Variants in SHFL observed in about 807,000 individuals in gnomAD.
SHFL encodes the protein shiftless antiviral inhibitor of ribosomal frameshifting protein.
SHFL carries 12 observed loss-of-function variants against 34.7 expected under a neutral mutation model. The ratio of observed to expected loss-of-function variants is 0.35; its 90% CI spans 0.22 to 0.56. The LOEUF (loss-of-function observed/expected upper bound fraction) is 0.56, where lower values mean the gene tolerates loss of function less well. Among genes scored for constraint, SHFL ranks in the 20% least tolerant of loss-of-function variants. SHFL has a pLI of 0.88. For synonymous variants in SHFL, 148 were observed against 156.0 expected, an observed-to-expected ratio of 0.95 and a Z score of 0.38; for missense variants, 278 against 411.1, an observed-to-expected ratio of 0.68 and a Z score of 2.80.
chr19:10,089,359 G>A (rs754853780), intron 3 of SHFL: 1 of 1,598,610 alleles, frequency 6.3e-7, no homozygotes, highest in Admixed American at 1.7e-5. Flanking sequence ...CAACAAGCAT[G>A]TGGCATTTGC....
chr19:10,092,269 G>T lies in SHFL; in HGVS notation c.843G>T (p.Glu281Asp). ...DLKEEEEEEE[E>D]VEDEEGGPRE is the part of the protein sequence containing the mutation. ...AGGAGGAGGAGGAGGAAGAGGAGGA[G>T]GTGGAGGACGAGGAGGGCGGGCCCA... Residue 281 changes from glutamate to aspartate, a missense_variant, in exon 8 of 8, where the codon GAG (glutamate) becomes GAT (aspartate). Glu to Asp is a conservative substitution (Grantham distance 45). This residue lies in a region of SHFL where 35 missense variants were observed against 24.9 expected (regional missense o/e 1.41). Transcript: ENST00000253110. 6.3e-7 allele frequency: 1 copy of T among 1,599,876 alleles called. No homozygotes were observed. The highest frequency in any genetic ancestry group is 2.3e-5 in the East Asian group (1 of 44,020).
Position 10,092,098 on chromosome 19 carries a change from T to C in SHFL, c.672T>C (p.Ala224=). The change falls in exon 8 of 8, where the codon GCT becomes GCC. Residue 224 remains alanine, a synonymous_variant. Coordinates refer to ENST00000253110, the MANE Select transcript of SHFL (RefSeq NM_018381.4). ...CCCACGTGCCTGGGACATCCTGTGC[T>C]CACCCCAAGAGCCGGAAGCAGAACC... ...REPHVPGTSC[A]HPKSRKQNHL... is the part of the protein sequence containing the mutation. 1 of 1,613,792 alleles carries C rather than the reference T, an allele frequency of 6.2e-7. No homozygotes were observed. The highest frequency in any genetic ancestry group is 8.5e-7 in the Non-Finnish European group (1 of 1,179,822).
In SHFL at chr19:10,092,628, G is replaced by A; in HGVS notation, c.*326G>A. 6.2e-7 allele frequency: 1 copy of A among 1,612,748 alleles called. No individual in the cohort carries two copies. Among genetic ancestry groups the A allele is most frequent in the Non-Finnish European group, 8.5e-7 (1 of 1,178,940 alleles). ...GCCGAATGAGCATGGCGGCCTTCCT[G>A]AGAGAATATGCCCCACCACGAAACT... is the stretch of plus-strand genomic sequence containing the variant. On this transcript the variant is annotated 3_prime_UTR_variant, in exon 8 of 8. Coordinates refer to ENST00000253110, the MANE Select transcript of SHFL (RefSeq NM_018381.4).
chr19:10,089,508 A>C, intron 3 of SHFL, 149 bp from the exon 4 acceptor site: 1 of 1,351,360 alleles, frequency 7.4e-7, no homozygotes, highest in Non-Finnish European at 1.0e-6. Context: ...GAGGCCACAC[A>C]CCTGGCTCTC....
rs141080880 is a variant in SHFL at position 10,090,717 on chromosome 19, C to T, written c.385-533C>T. On this transcript the variant is annotated intron_variant, in intron 5 of 7. Coordinates refer to ENST00000253110, the MANE Select transcript of SHFL (RefSeq NM_018381.4). ...TCAGCCTCCCAAAGTGCTGGGATTA[C>T]AGGCATGAGCCACTGTGCCTGGCAA... 4.1e-3 allele frequency among the ~76,000 whole-genome samples: 617 copies of T among 152,044 alleles called. 3 individuals are homozygous for T. Among genetic ancestry groups the T allele is most frequent in the African/African-American group, 0.014 (589 of 41,504 alleles).
In SHFL at chr19:10,092,382, T is replaced by C. The variant is rs1599279165; in HGVS notation, c.*80T>C. ...TATAAGATATGAGCTCAAACCGAGA[T>C]ATGAATGACCTTGGGGAGCCATCTG... On this transcript the variant is annotated 3_prime_UTR_variant, in exon 8 of 8. Transcript: ENST00000253110. The C allele has an allele frequency of 6.5e-7, 1 of 1,530,020 alleles. No individual in the cohort carries two copies. Among genetic ancestry groups the C allele is most frequent in the Non-Finnish European group, 8.8e-7 (1 of 1,142,548 alleles). 94.8% of individuals were successfully genotyped at this position (1,530,020 alleles called of 1,614,324 possible).
chr19:10,090,436 A>G lies in SHFL; in HGVS notation c.384+389A>G, dbSNP rs527382814. On this transcript the variant is annotated intron_variant, in intron 5 of 7. Coordinates refer to ENST00000253110, the MANE Select transcript of SHFL (RefSeq NM_018381.4). ...GACAGGGTGAGACCCTGTCTCCAAA[A>G]AAAAATGTGTTTTGAAGACAGGGGG... The G allele has an allele frequency of 1.1e-4, 17 of 159,170 alleles. No homozygotes were observed. The East Asian group carries it at 2.7e-3, about 25-fold the overall frequency. 9.9% of individuals were successfully genotyped at this position (159,170 alleles called of 1,614,324 possible).
In SHFL at chr19:10,091,572, G is replaced by C; in HGVS notation, c.585G>C (p.Pro195=). The C allele has an allele frequency of 1.3e-6, 2 of 1,551,432 alleles. No individual in the cohort carries two copies. The highest frequency in any genetic ancestry group is 1.7e-6 in the Non-Finnish European group (2 of 1,147,110). Residue 195 remains proline, a synonymous_variant, in exon 7 of 8, where the codon CCG becomes CCC. Transcript: ENST00000253110. This position sits in a 1 kb window ranked among gnomAD's most constrained non-coding sequence, Gnocchi z 8.2. ...RILPPRWDRD[P]DRRSTHTHSC... is the part of the protein sequence containing the mutation. ...TCCCCCCGCGCTGGGACCGGGACCC[G>C]GATCGCCGCAGCACCCACACTCACT... is the stretch of plus-strand genomic sequence containing the variant.
intron 4 of SHFL, 31 bp from the exon 5 acceptor site, chr19:10,089,867 C>A (rs759603800): frequency 2.0e-5 from 32 of 1,605,212 alleles, no homozygotes; most frequent in Non-Finnish European, 2.6e-5. Flanking sequence ...TGACACCCCC[C>A]CACCTCATCC....
intron 7 of SHFL, 50 bp from the exon 8 acceptor site, chr19:10,092,020 A>G (rs2088400459): frequency 6.2e-7 from 1 of 1,609,118 alleles, no homozygotes; most frequent in Non-Finnish European, 8.5e-7. Context: ...TCCTCCCCAG[A>G]CTCTCATGGG....
In SHFL at chr19:10,086,724, T is replaced by C; in HGVS notation, c.22-205T>C. On this transcript the variant is annotated intron_variant, in intron 1 of 7. Coordinates refer to ENST00000253110, the MANE Select transcript of SHFL (RefSeq NM_018381.4). The surrounding 1 kb of genome is among the most constrained non-coding windows in gnomAD (Gnocchi z 5.2). ...CCCCCCACACCTTAGGCTGGGACGC[T>C]CGCCCCAGTCCGCGCCTTCCCCCAA... The C allele has an allele frequency of 1.5e-6, 1 of 652,194 alleles. No homozygotes were observed. The highest frequency in any genetic ancestry group is 2.6e-6 in the Non-Finnish European group (1 of 387,272). 40.4% of individuals were successfully genotyped at this position (652,194 alleles called of 1,614,324 possible).
chr19:10,089,196 C>T (rs2088339770), intron 3 of SHFL: 1 of 1,015,760 alleles, frequency 9.8e-7, no homozygotes, highest in Non-Finnish European at 1.5e-6. Flanking sequence ...AGAGCCTGGG[C>T]TCTAACATGC....
rs2088430156 is a variant in SHFL, at chr19:10,092,963, T to C, written c.*661T>C. The C allele has an allele frequency of 3.8e-6, 2 of 531,164 alleles. No individual in the cohort carries two copies. The highest frequency in any genetic ancestry group is 6.5e-6 in the Non-Finnish European group (2 of 308,716). 32.9% of individuals were successfully genotyped at this position (531,164 alleles called of 1,614,324 possible). ...GGCCCCCCAACTTTCTTCAGAGTAA[T>C]AGCCTTAATTCCTTCCCTATCTCCT... is the stretch of plus-strand genomic sequence containing the variant. On this transcript the variant is annotated 3_prime_UTR_variant, in exon 8 of 8. Coordinates refer to ENST00000253110, the MANE Select transcript of SHFL (RefSeq NM_018381.4).
chr19:10,086,377 C>T lies in SHFL; in HGVS notation c.-51C>T, dbSNP rs1051258674. On this transcript the variant is annotated 5_prime_UTR_variant, in exon 1 of 8. Transcript: ENST00000253110. This position sits in a 1 kb window ranked among gnomAD's most constrained non-coding sequence, Gnocchi z 5.2. ...CGACGGGCGCACCCAGGTAGGGGGG[C>T]GGCTGAGCCGCGCAGTGCGGACCCT... 1 of 1,271,620 alleles carries T rather than the reference C, an allele frequency of 7.9e-7. No individual in the cohort carries two copies. The highest frequency in any genetic ancestry group is 1.0e-6 in the Non-Finnish European group (1 of 1,001,530). 78.8% of individuals were successfully genotyped at this position (1,271,620 alleles called of 1,614,324 possible).
At position 10,091,768 on chromosome 19, in the gene SHFL, C is replaced by A; in HGVS notation, c.643+138C>A. ...CACATGGCCTCCATGACCCCCCAGT[C>A]TCCGTGGTCTTGCCCAGGAGGCTCT... On this transcript the variant is annotated intron_variant, in intron 7 of 7. Coordinates refer to ENST00000253110, the MANE Select transcript of SHFL (RefSeq NM_018381.4). The surrounding 1 kb of genome is among the most constrained non-coding windows in gnomAD (Gnocchi z 8.2). 1 of 1,243,028 alleles carries A rather than the reference C, an allele frequency of 8.0e-7. No homozygotes were observed. The highest frequency in any genetic ancestry group is 1.1e-6 in the Non-Finnish European group (1 of 915,698). 77.0% of individuals were successfully genotyped at this position (1,243,028 alleles called of 1,614,324 possible).
At chr19:10,088,547 C>A (rs578055098) in intron 3 of SHFL, among the ~76,000 whole-genome samples, 1 of 151,908 alleles carries the variant, frequency 6.6e-6, no homozygotes, top group East Asian at 1.9e-4. Flanking sequence ...CCAGCCTGGG[C>A]AACAGAGCGA....
rs745608694 is a variant in SHFL, at chr19:10,093,119, C to T, written c.*817C>T. The T allele has an allele frequency of 1.9e-4, 112 of 575,292 alleles. No homozygotes were observed. The Middle Eastern group carries it at 2.8e-3, about 14-fold the overall frequency. The allele number at this position is 575,292 out of a possible 1,614,324, so 35.6% of individuals were successfully genotyped here. ...ACTAGCTCTCACCCTCTGCCCTTTA[C>T]TTGAACAGGAGTCTTGATTCTTTTT... On this transcript the variant is annotated 3_prime_UTR_variant, in exon 8 of 8. Coordinates refer to ENST00000253110, the MANE Select transcript of SHFL (RefSeq NM_018381.4).
chr19:10,087,118 C>A, intron 2 of SHFL, 66 bp downstream of exon 2: 1 of 1,592,092 alleles, frequency 6.3e-7, no homozygotes, highest in Non-Finnish European at 8.6e-7. Context: ...GGGGCGTGGT[C>A]TAGGGAGAGG....
intron 2 of SHFL, 91 bp downstream of exon 2, chr19:10,087,143 C>A (rs1054924224): frequency 1.3e-6 from 2 of 1,588,316 alleles, no homozygotes; most frequent in African/African-American, 1.3e-5. Context: ...GAGATCACCT[C>A]CCCCGGAGGT....
Sources: gnomAD v4.1 joint callset for allele counts (sites outside exome capture counted in the v4.1 genomes callset) on GRCh38, gnomAD v4.1.1 for gene constraint, gnomAD v4.1.1 regional missense constraint, Gnocchi (gnomAD v3.1) non-coding constraint, MANE v1.5 for transcripts, NCBI Gene and HGNC (gene_info 2026-07-23, HGNC 2026-07-21) for gene names.